PDE3B: variants seen among roughly 807,000 people sequenced by gnomAD.
PDE3B encodes cGMP-inhibited 3',5'-cyclic phosphodiesterase 3B.
PDE3B carries 66 observed loss-of-function variants against 116.8 expected under a neutral mutation model. That is an observed-to-expected ratio of 0.56 (90% CI 0.46 to 0.69). The LOEUF is 0.69. Among genes scored for constraint, PDE3B ranks in the 30% least tolerant of loss-of-function variants. The probability of loss-of-function intolerance (pLI) is 0.00; values close to 1 mark genes in which losing one functional copy is unlikely to be tolerated. For missense variants in PDE3B, 1,384 were observed against 1,368.1 expected (o/e 1.01, Z -0.18); for synonymous variants, 595 against 533.6 (o/e 1.12, Z -1.59).
At chr11:14,765,000 G>C (rs1857457992) in intron 1 of PDE3B, among the ~76,000 whole-genome samples, 1 of 151,580 alleles carries the variant, frequency 6.6e-6, no homozygotes, top group Non-Finnish European at 1.5e-5. Context: ...TAACTTTTTG[G>C]CTATTCATTT....
At chr11:14,844,169 C>T in intron 12 of PDE3B, 143 bp downstream of exon 12, 1 of 635,366 alleles carries the variant, frequency 1.6e-6, no homozygotes, top group Non-Finnish European at 2.8e-6. Flanking sequence ...TTGGATAACA[C>T]ATGGCATTAA....
At chr11:14,782,676 A>T (rs905626948) in intron 2 of PDE3B, among the ~76,000 whole-genome samples, 1 of 152,226 alleles carries the variant, frequency 6.6e-6, no homozygotes, top group Non-Finnish European at 1.5e-5. Flanking sequence ...AACCTAGGCA[A>T]TACCATTCAA....
At chr11:14,804,199 A>G (rs149881933) in intron 5 of PDE3B, 149 bp downstream of exon 5, 180 of 578,604 alleles carry the variant, frequency 3.1e-4, no homozygotes, top group African/African-American at 2.7e-3. Context: ...TTGGCTACTA[A>G]TTGACCGTTT....
At chr11:14,887,667 T>C in the PDE3B span, 3 of 984,706 alleles carry the variant, frequency 3.0e-6, no homozygotes, top group East Asian at 2.3e-4. Flanking sequence ...TCTCTTTCCC[T>C]CACCCAAACC....
In PDE3B at chr11:14,644,723, CCGG is replaced by C. The variant is rs1853329937; in HGVS notation, c.650_652del (p.Arg217del). Reference sequence around the variant, plus strand: ...TGACGCTCGCGCACCCGCTGCGGCTCCGGCACTGCGTTCTGGTGCTGCTCCTGG... The same window carrying C: ...TGACGCTCGCGCACCCGCTGCGGCTCCACTGCGTTCTGGTGCTGCTCCTGG... On this transcript the variant is annotated inframe_deletion, in exon 1 of 16. Coordinates refer to ENST00000282096, the MANE Select transcript of PDE3B (RefSeq NM_000922.4). 6.4e-7 allele frequency: 1 copy of C among 1,553,282 alleles called. No homozygotes were observed. The highest frequency in any genetic ancestry group is 8.7e-7 in the Non-Finnish European group (1 of 1,151,618).
chr11:14,852,759 C>A (rs2133984015), intron 12 of PDE3B, among the ~76,000 whole-genome samples: 1 of 152,206 alleles, frequency 6.6e-6, no homozygotes, highest in East Asian at 1.9e-4. Context: ...TGTGTTGCAT[C>A]ACTCTGTTCC....
In PDE3B at chr11:14,644,825, C is replaced by T; in HGVS notation, c.750C>T (p.Gly250=). 6.2e-7 allele frequency: 1 copy of T among 1,612,044 alleles called. No individual in the cohort carries two copies. The highest frequency in any genetic ancestry group is 8.5e-7 in the Non-Finnish European group (1 of 1,178,988). The change falls in exon 1 of 16, where the codon GGC becomes GGT. Residue 250 remains glycine (G), a synonymous_variant. Transcript: ENST00000282096. The stretch of plus-strand genomic sequence containing the variant: ...CCGCCCTCAGGCCGCTGCTCTCCGG[C>T]CTGGTGGGGGGCGCTGGCTGCCTGC... ...LPSALRPLLS[G]LVGGAGCLLA... is the part of the protein sequence containing the mutation.
At position 14,869,604 on chromosome 11, in the gene PDE3B, T is replaced by G; in HGVS notation, c.3283T>G (p.Ser1095Ala). 2 of 1,613,862 alleles carry G rather than the reference T, an allele frequency of 1.2e-6. No homozygotes were observed. The highest frequency in any genetic ancestry group is 4.5e-5 in the East Asian group (2 of 44,866). Residue 1095 changes from serine (S) to alanine (A), a missense_variant, in exon 16 of 16, where the codon TCC (serine) becomes GCC (alanine). Ser to Ala is a moderately conservative substitution (Grantham distance 99, BLOSUM62 1). Around this residue, in one of 2 missense-constraint regions of PDE3B, gnomAD observed 428 missense variants for 561.4 expected, o/e 0.76. Transcript: ENST00000282096. ...GAATAAACTGCAGGTGGAGAATTCCTCCTTACCTCAAGCAGATGAGATTCA... is the reference window on the plus strand; with the variant it reads ...GAATAAACTGCAGGTGGAGAATTCCGCCTTACCTCAAGCAGATGAGATTCA... ...DGNKLQVENS[S>A]LPQADEIQVI...
At chr11:14,713,975 G>C (rs950993802) in intron 1 of PDE3B, among the ~76,000 whole-genome samples, 3 of 152,142 alleles carry the variant, frequency 2.0e-5, no homozygotes, top group Non-Finnish European at 4.4e-5. Context: ...TTGCATTTCA[G>C]AAGAGTTGTG....
intron 1 of PDE3B, among the ~76,000 whole-genome samples, chr11:14,739,762 T>G (rs888371103): frequency 1.3e-5 from 2 of 152,216 alleles, no homozygotes; most frequent in African/African-American, 4.8e-5. Context: ...CTCTTATTAT[T>G]TTGAGATACG....
chr11:14,891,281 A>C, the PDE3B span: 3 of 985,362 alleles, frequency 3.0e-6, no homozygotes, highest in Non-Finnish European at 2.4e-6. Context: ...TGAGTCACCA[A>C]GTTGGCAGTG....
intron 1 of PDE3B, among the ~76,000 whole-genome samples, chr11:14,753,015 T>C (rs1032137843): frequency 5.9e-5 from 9 of 152,154 alleles, no homozygotes; most frequent in Non-Finnish European, 7.4e-5. Context: ...TATTAAGGAA[T>C]GATAGTGTGT....
intron 1 of PDE3B, among the ~76,000 whole-genome samples, chr11:14,731,255 A>ATTTT (rs778089171): frequency 2.9e-4 from 35 of 121,072 alleles, no homozygotes; most frequent in Middle Eastern, 4.7e-3. Flanking sequence ...TTTTACTTTG[A>ATTTT]TTTTTTTTTT....
chr11:14,757,400 C>G (rs55927121), intron 1 of PDE3B, among the ~76,000 whole-genome samples: 5,375 of 147,834 alleles, frequency 0.036, 157 homozygotes, highest in Non-Finnish European at 0.056. Flanking sequence ...AATGGTTGAA[C>G]TAGTTTACAG....
At chr11:14,802,624 T>C (rs1288389999) in intron 4 of PDE3B, among the ~76,000 whole-genome samples, 1 of 152,198 alleles carries the variant, frequency 6.6e-6, no homozygotes, top group Non-Finnish European at 1.5e-5. Flanking sequence ...CACACATTTT[T>C]CTATTTGAAT....
intron 1 of PDE3B, among the ~76,000 whole-genome samples, chr11:14,760,367 G>C (rs1857324753): frequency 1.3e-5 from 2 of 152,128 alleles, no homozygotes; most frequent in Admixed American, 1.3e-4. Flanking sequence ...CAATGATTAT[G>C]TGCTGCGTAC....
At chr11:14,855,676 CA>C (rs1847836169) in intron 12 of PDE3B, among the ~76,000 whole-genome samples, 1 of 151,004 alleles carries the variant, frequency 6.6e-6, no homozygotes, top group African/African-American at 2.4e-5. Flanking sequence ...AGAGACAGAG[CA>C]AGAGAAAGAG....
rs1315273393 is a variant in PDE3B at position 14,858,981 on chromosome 11, T to A, written c.2521-62T>A. On this transcript the variant is annotated intron_variant, in intron 12 of 15. Coordinates refer to ENST00000282096, the MANE Select transcript of PDE3B (RefSeq NM_000922.4). ...TGTTTGTATACTTCCAACCTGATAT[T>A]AAAGATATTAAACTTTAATATCTTT... 40 of 1,173,966 alleles carry A rather than the reference T, an allele frequency of 3.4e-5. No homozygotes were observed. In the Admixed American group the frequency reaches 7.5e-4, roughly 22 times the overall value. 72.7% of individuals were successfully genotyped at this position (1,173,966 alleles called of 1,614,324 possible).
At chr11:14,852,167 C>T (rs912365728) in intron 12 of PDE3B, among the ~76,000 whole-genome samples, 6 of 152,156 alleles carry the variant, frequency 3.9e-5, no homozygotes, top group Non-Finnish European at 8.8e-5. Flanking sequence ...AGTGATTCTC[C>T]TGCCTCAGCC....
Sources: allele counts gnomAD v4.1 joint callset (sites outside exome capture counted in the v4.1 genomes callset), GRCh38; gene constraint gnomAD v4.1.1; regional missense constraint gnomAD v4.1.1; transcripts MANE v1.5; gene names NCBI Gene and HGNC (gene_info 2026-07-23, HGNC 2026-07-21).